RERE: variants seen among roughly 807,000 people sequenced by gnomAD.
RERE encodes arginine-glutamic acid dipeptide repeats.
A neutral mutation model predicts 146.1 loss-of-function variants in RERE; 40 were observed. The observed-to-expected ratio is 0.27, with a 90% CI of 0.21 to 0.36. RERE has a LOEUF of 0.36. RERE is among the 10% of genes least tolerant of loss of function. The pLI, the probability that RERE is intolerant of heterozygous loss-of-function variation, is 1.00. For synonymous variants in RERE, 1,003 were observed against 866.0 expected (o/e 1.16, Z -2.78); for missense variants, 1,933 against 2,138.7 (o/e 0.90, Z 1.90).
chr1:8,739,056 G>A (rs1640258215), intron 1 of RERE, among the ~76,000 whole-genome samples: 1 of 152,154 alleles, frequency 6.6e-6, no homozygotes, highest in African/African-American at 2.4e-5. Flanking sequence ...CCAATCAGGA[G>A]AAAGAAACTA....
Position 8,423,840 on chromosome 1 carries a change from A to T in RERE, c.1204-1033T>A, listed in dbSNP as rs1277413845. ...CGGGCGGCTGCAAAAGGCGGCCTGG[A>T]TTGCCGCCGCCCTCCTGTCCGCCAG... On this transcript the variant is annotated intron_variant, in intron 11 of 22. Transcript: ENST00000400908. The surrounding 1 kb of genome is among the most constrained non-coding windows in gnomAD (Gnocchi z 5.4). Among the ~76,000 whole-genome samples, 1 of 147,478 alleles carries T rather than the reference A, an allele frequency of 6.8e-6. No individual in the cohort carries two copies. The highest frequency in any genetic ancestry group is 6.7e-5 in the Admixed American group (1 of 14,882).
intron 1 of RERE, among the ~76,000 whole-genome samples, chr1:8,794,842 G>C (rs1183401848): frequency 6.6e-6 from 1 of 152,076 alleles, no homozygotes; most frequent in Admixed American, 6.6e-5. Context: ...GAGGTGAGAG[G>C]ATGGCTGTCA....
At chr1:8,525,691 C>T (rs1645561904) in intron 7 of RERE, 14 of 1,473,736 alleles carry the variant, frequency 9.5e-6, no homozygotes, top group Middle Eastern at 1.8e-4. Context: ...TTCATAAACA[C>T]CTTCAGAAGT....
At chr1:8,551,758 G>A (rs1293056235) in intron 6 of RERE, among the ~76,000 whole-genome samples, 1 of 152,142 alleles carries the variant, frequency 6.6e-6, no homozygotes, top group African/African-American at 2.4e-5. Context: ...TCTGTCATTA[G>A]TCATGTGACC....
Position 8,393,631 on chromosome 1 carries a change from G to A in RERE, c.1285-27657C>T, listed in dbSNP as rs767137155. Among the ~76,000 whole-genome samples the A allele has an allele frequency of 1.2e-4, 18 of 152,110 alleles. 1 individual carries two copies. The highest frequency in any genetic ancestry group is 4.1e-4 in the South Asian group (2 of 4,824). ...AACAAATGGACCCAAGCGCAGGCAA[G>A]GTCCATTTCTGGTTATTTCTGTTAT... On this transcript the variant is annotated intron_variant, in intron 12 of 22. Coordinates refer to ENST00000400908, the MANE Select transcript of RERE (RefSeq NM_001042681.2).
chr1:8,456,106 T>C (rs1644450344), intron 11 of RERE, among the ~76,000 whole-genome samples: 2 of 152,222 alleles, frequency 1.3e-5, no homozygotes, highest in Admixed American at 6.5e-5. Context: ...TGGCCTCTTC[T>C]GTCAAACAGC....
At chr1:8,372,887 G>A (rs1642095451) in intron 12 of RERE, among the ~76,000 whole-genome samples, 1 of 152,210 alleles carries the variant, frequency 6.6e-6, no homozygotes, top group East Asian at 1.9e-4. Flanking sequence ...TTTCCAATGG[G>A]CACCCTTTCT....
At chr1:8,482,626 G>C (rs935464390) in intron 10 of RERE, among the ~76,000 whole-genome samples, 1 of 135,878 alleles carries the variant, frequency 7.4e-6, no homozygotes, top group Non-Finnish European at 1.5e-5. Context: ...AGCTTGCAGT[G>C]AGCCAAGATG....
intron 4 of RERE, among the ~76,000 whole-genome samples, chr1:8,578,567 T>C (rs538535074): frequency 2.6e-5 from 4 of 152,264 alleles, no homozygotes; most frequent in African/African-American, 7.2e-5. Context: ...TTATATTATA[T>C]AGTTCACTTC....
At chr1:8,410,032 G>A (rs958699204) in intron 12 of RERE, among the ~76,000 whole-genome samples, 1 of 144,334 alleles carries the variant, frequency 6.9e-6, no homozygotes. Flanking sequence ...TTCTCATTGT[G>A]GGAAATGAGA....
chr1:8,581,196 G>A (rs1646360293), intron 4 of RERE, among the ~76,000 whole-genome samples: 1 of 152,106 alleles, frequency 6.6e-6, no homozygotes, highest in Non-Finnish European at 1.5e-5. Context: ...GGCTGTTTTG[G>A]GGATCTTATT....
At position 8,364,426 on chromosome 1, in the gene RERE, G is replaced by A. The variant is rs1368871266; in HGVS notation, c.1541-171C>T. Among the ~76,000 whole-genome samples the A allele has an allele frequency of 6.6e-6, 1 of 152,050 alleles. No homozygotes were observed. Among genetic ancestry groups the A allele is most frequent in the Non-Finnish European group, 1.5e-5 (1 of 67,984 alleles). The stretch of plus-strand genomic sequence containing the variant: ...TGCTGCCCTGCTCCCCCAAGGCCAG[G>A]AGAGGGTTTCAGGGGCATCTGCTGC... On this transcript the variant is annotated intron_variant, in intron 14 of 22. Coordinates refer to ENST00000400908, the MANE Select transcript of RERE (RefSeq NM_001042681.2). The surrounding 1 kb of genome is among the most constrained non-coding windows in gnomAD (Gnocchi z 5.1).
At chr1:8,668,713 T>C (rs1422428182) in intron 1 of RERE, among the ~76,000 whole-genome samples, 2 of 152,212 alleles carry the variant, frequency 1.3e-5, no homozygotes, top group Non-Finnish European at 2.9e-5. Context: ...CACAAAAGAT[T>C]AGATACTATA....
chr1:8,382,077 A>T (rs1480043553), intron 12 of RERE, among the ~76,000 whole-genome samples: 1 of 152,250 alleles, frequency 6.6e-6, no homozygotes, highest in Non-Finnish European at 1.5e-5. Context: ...ATAACACAGG[A>T]CCAAAGCTCA....
chr1:8,702,864 A>G (rs1011328434), intron 1 of RERE, among the ~76,000 whole-genome samples: 18 of 152,102 alleles, frequency 1.2e-4, no homozygotes, highest in African/African-American at 4.3e-4. Context: ...CAGAAATGCA[A>G]TGGGACACGG....
At chr1:8,629,316 G>C (rs978064450) in intron 2 of RERE, among the ~76,000 whole-genome samples, 1 of 152,162 alleles carries the variant, frequency 6.6e-6, no homozygotes, top group African/African-American at 2.4e-5. Flanking sequence ...CTTGTGAACA[G>C]GGAGCAACAA....
At chr1:8,486,479 T>C (rs1343681692) in intron 10 of RERE, among the ~76,000 whole-genome samples, 1 of 151,992 alleles carries the variant, frequency 6.6e-6, no homozygotes, top group African/African-American at 2.4e-5. Context: ...ACCAAAAAAT[T>C]CAAAACATTT....
chr1:8,541,115 T>C (rs1376860422), intron 7 of RERE, 99 bp downstream of exon 7: 5 of 562,796 alleles, frequency 8.9e-6, no homozygotes, highest in African/African-American at 7.6e-5. Flanking sequence ...TACTAGTGTA[T>C]GTCCAGAAGC....
chr1:8,629,507 C>G (rs1322258948), intron 2 of RERE, among the ~76,000 whole-genome samples: 1 of 152,190 alleles, frequency 6.6e-6, no homozygotes, highest in East Asian at 1.9e-4. Context: ...AAGGCCCTCT[C>G]TGCTTTTTCA....
Sources: gnomAD v4.1 joint callset for allele counts (sites outside exome capture counted in the v4.1 genomes callset) on GRCh38, gnomAD v4.1.1 for gene constraint, Gnocchi (gnomAD v3.1) non-coding constraint, MANE v1.5 for transcripts, NCBI Gene and HGNC (gene_info 2026-07-23, HGNC 2026-07-21) for gene names.